EPM2A: variants seen among roughly 807,000 people sequenced by gnomAD.
EPM2A encodes the protein EPM2A glucan phosphatase, laforin.
EPM2A carries 21 observed loss-of-function variants against 26.5 expected under a neutral mutation model. The observed-to-expected ratio is 0.79, with a 90% CI of 0.56 to 1.14. EPM2A has a LOEUF of 1.14. Ranked by LOEUF, EPM2A falls within the 50% of genes most tolerant of loss-of-function variation. EPM2A has a pLI of 0.00. For missense variants in EPM2A, 458 were observed against 440.8 expected, an observed-to-expected ratio of 1.04 and a Z score of -0.35; for synonymous variants, 217 against 177.6, an observed-to-expected ratio of 1.22 and a Z score of -1.76.
chr6:145,386,494 A>G (rs530378060), intron 4 of EPM2A, among the ~76,000 whole-genome samples: 3 of 152,310 alleles, frequency 2.0e-5, no homozygotes, highest in African/African-American at 4.8e-5. Context: ...TCAATCATAT[A>G]ATAGAGCCGT....
intron 1 of EPM2A, among the ~76,000 whole-genome samples, chr6:145,718,088 T>C (rs1013677751): frequency 1.3e-5 from 2 of 151,856 alleles, no homozygotes; most frequent in African/African-American, 2.4e-5. Flanking sequence ...AGGCTACCAA[T>C]GACTTTCTTC....
intron 1 of EPM2A, among the ~76,000 whole-genome samples, chr6:145,720,585 G>A (rs1242122489): frequency 2.0e-5 from 3 of 152,146 alleles, no homozygotes; most frequent in African/African-American, 7.2e-5. Flanking sequence ...TGGGGTTCCA[G>A]ATTGTTCCAG....
At chr6:145,390,543 A>G (rs2114656957) in intron 4 of EPM2A, among the ~76,000 whole-genome samples, 1 of 144,632 alleles carries the variant, frequency 6.9e-6, no homozygotes, top group East Asian at 2.0e-4. Context: ...ATCATTATTT[A>G]TCCATGTTGT....
At position 145,411,422 on chromosome 6, in the gene EPM2A, T is replaced by C. The variant is rs574722513; in HGVS notation, c.556-27325A>G. Among the ~76,000 whole-genome samples the C allele has an allele frequency of 3.3e-5, 5 of 152,308 alleles. No homozygotes were observed. The East Asian group carries it at 9.6e-4, about 29-fold the overall frequency. The stretch of plus-strand genomic sequence containing the variant: ...ATTTGCTACATATCTAATTATACAT[T>C]GAGCTGAGCCATAATCACTTGAAAC... On this transcript the variant is annotated intron_variant, in intron 4 of 4. Transcript: ENST00000638717.
chr6:145,510,956 T>C (rs1050097240), intron 2 of EPM2A, among the ~76,000 whole-genome samples: 2 of 152,180 alleles, frequency 1.3e-5, no homozygotes, highest in African/African-American at 4.8e-5. Context: ...CAGAGACTAC[T>C]ATGAACATGT....
chr6:145,714,378 C>G (rs1368606408), intron 1 of EPM2A, among the ~76,000 whole-genome samples: 1 of 152,126 alleles, frequency 6.6e-6, no homozygotes, highest in Admixed American at 6.5e-5. Context: ...TGATGTATAA[C>G]AAATCAATTT....
intron 4 of EPM2A, among the ~76,000 whole-genome samples, chr6:145,443,694 G>A (rs1404787573): frequency 6.6e-6 from 1 of 152,060 alleles, no homozygotes; most frequent in East Asian, 1.9e-4. Context: ...GATATGGTTT[G>A]GCTCTGTGTC....
At chr6:145,490,804 T>C in intron 4 of EPM2A, 1 of 585,966 alleles carries the variant, frequency 1.7e-6, no homozygotes, top group East Asian at 4.4e-5. Context: ...TTTCTACCTG[T>C]ATGCTTGTAG....
At chr6:145,578,904 C>T (rs1346578931) in intron 2 of EPM2A, among the ~76,000 whole-genome samples, 1 of 151,838 alleles carries the variant, frequency 6.6e-6, no homozygotes, top group African/African-American at 2.4e-5. Context: ...ATAATTTGCT[C>T]ATATCCTTCG....
At chr6:145,505,242 T>G (rs934339817) in intron 2 of EPM2A, among the ~76,000 whole-genome samples, 2 of 121,646 alleles carry the variant, frequency 1.6e-5, no homozygotes, top group Admixed American at 7.7e-5. Flanking sequence ...ACTTAAAGTA[T>G]AATTAAAAAA....
intron 2 of EPM2A, among the ~76,000 whole-genome samples, chr6:145,680,498 G>A (rs1165497643): frequency 2.6e-5 from 4 of 151,754 alleles, no homozygotes; most frequent in South Asian, 2.1e-4. Context: ...CCATTAACTC[G>A]TCATTTAGCA....
At chr6:145,490,693 T>A in intron 4 of EPM2A, 1 of 582,738 alleles carries the variant, frequency 1.7e-6, no homozygotes, top group Non-Finnish European at 3.3e-6. Context: ...CTTCAAATGA[T>A]AAAACAATTT....
At chr6:145,486,121 C>T (rs1779667956) in intron 4 of EPM2A, among the ~76,000 whole-genome samples, 1 of 152,142 alleles carries the variant, frequency 6.6e-6, no homozygotes, top group Non-Finnish European at 1.5e-5. Flanking sequence ...AGTATGTAGA[C>T]CAGGGCAGCA....
chr6:145,710,250 A>T (rs199647893), intron 1 of EPM2A, among the ~76,000 whole-genome samples: 6 of 152,290 alleles, frequency 3.9e-5, no homozygotes, highest in Non-Finnish European at 5.9e-5. Context: ...GAATCTACAA[A>T]GAACTCAAAT....
intron 2 of EPM2A, among the ~76,000 whole-genome samples, chr6:145,609,002 A>AAGC (rs1775332016): frequency 1.3e-5 from 2 of 152,234 alleles, no homozygotes; most frequent in Non-Finnish European, 2.9e-5. Flanking sequence ...TCTTTAATGT[A>AAGC]TTTGGCTAAG....
At chr6:145,561,184 T>G (rs1260558691) in intron 2 of EPM2A, among the ~76,000 whole-genome samples, 1 of 151,202 alleles carries the variant, frequency 6.6e-6, no homozygotes, top group East Asian at 2.0e-4. Flanking sequence ...AACTTCTCTA[T>G]GTTTAGATGC....
chr6:145,725,263 A>G (rs550833445), intron 1 of EPM2A, among the ~76,000 whole-genome samples: 8 of 152,116 alleles, frequency 5.3e-5, no homozygotes, highest in African/African-American at 1.9e-4. Context: ...CACCTATTAC[A>G]GTAGTTAAAA....
At chr6:145,484,712 A>T (rs1389267166) in intron 4 of EPM2A, among the ~76,000 whole-genome samples, 1 of 152,010 alleles carries the variant, frequency 6.6e-6, no homozygotes, top group Non-Finnish European at 1.5e-5. Flanking sequence ...TCTTGCATTT[A>T]CCATGTCCAC....
At chr6:145,526,979 T>C (rs750548989) in intron 2 of EPM2A, among the ~76,000 whole-genome samples, 4 of 152,112 alleles carry the variant, frequency 2.6e-5, no homozygotes, top group Non-Finnish European at 4.4e-5. Context: ...TTTTGATGTG[T>C]TGTATCTCTG....
Sources: gnomAD v4.1 joint callset for allele counts (sites outside exome capture counted in the v4.1 genomes callset) on GRCh38, gnomAD v4.1.1 for gene constraint, MANE v1.5 for transcripts, NCBI Gene and HGNC (gene_info 2026-07-23, HGNC 2026-07-21) for gene names.